Variants in SCN9A observed in about 807,000 individuals in gnomAD.
SCN9A encodes the protein sodium voltage-gated channel alpha subunit 9, also known as sodium channel protein type 9 subunit alpha.
A neutral mutation model predicts 187.0 loss-of-function variants in SCN9A; 131 were observed. That is an observed-to-expected ratio of 0.70 (90% CI 0.61 to 0.81). The LOEUF is 0.81. Ranked by LOEUF, SCN9A falls within the 30% of genes least tolerant of loss-of-function variation. SCN9A has a pLI of 0.00. For synonymous variants in SCN9A, 809 were observed against 808.6 expected (o/e 1.00, Z -0.01); for missense variants, 2,252 against 2,396.6 (o/e 0.94, Z 1.26).
intron 10 of SCN9A, 47 bp from the exon 11 acceptor site, chr2:166,286,670 C>G: frequency 7.0e-7 from 1 of 1,418,908 alleles, no homozygotes; most frequent in Middle Eastern, 1.9e-4. Context: ...TTTCCAAATC[C>G]TAGGAAACCC....
chr2:166,268,059 G>A (rs1448510775), intron 17 of SCN9A, among the ~76,000 whole-genome samples: 1 of 151,916 alleles, frequency 6.6e-6, no homozygotes, highest in East Asian at 1.9e-4. Flanking sequence ...GTAACCAATA[G>A]CTACTTACAG....
At chr2:166,293,984 T>C (rs1382307669) in intron 8 of SCN9A, among the ~76,000 whole-genome samples, 2 of 152,186 alleles carry the variant, frequency 1.3e-5, no homozygotes, top group African/African-American at 2.4e-5. Context: ...TTTATTCCTA[T>C]GTTGCCAGTG....
chr2:166,223,176 A>G (rs1043809821), intron 24 of SCN9A, among the ~76,000 whole-genome samples: 15 of 152,162 alleles, frequency 9.9e-5, no homozygotes, highest in Non-Finnish European at 2.1e-4. Context: ...AATTAAAAAT[A>G]TAACTACCAT....
chr2:166,213,094 A>T lies in SCN9A; in HGVS notation c.4399-8630T>A, dbSNP rs559342406. 7.2e-5 allele frequency among the ~76,000 whole-genome samples: 11 copies of T among 152,234 alleles called. No individual in the cohort carries two copies. In the East Asian group the frequency reaches 2.1e-3, roughly 29 times the overall value. On this transcript the variant is annotated intron_variant, in intron 24 of 26. Coordinates refer to ENST00000642356, the MANE Select transcript of SCN9A (RefSeq NM_001365536.1). ...CTAGGAACTAGAAAAAGAACAAACT[A>T]AGCCCAACATCAGCAAAAGGAAGGA... is the stretch of plus-strand genomic sequence containing the variant.
Position 166,305,881 on chromosome 2 carries a change from T to C in SCN9A, c.507A>G (p.Val169=), listed in dbSNP as rs778674007. The C allele has an allele frequency of 1.2e-6, 2 of 1,613,242 alleles. No homozygotes were observed. The highest frequency in any genetic ancestry group is 1.7e-5 in the Admixed American group (1 of 59,914). The change falls in exon 5 of 27, where the codon GTA becomes GTG. Residue 169 remains valine (V), a synonymous_variant. Transcript: ENST00000642356. Reference sequence around the variant, plus strand: ...CACAGAAGCCTCTTGCAAGGATTTTTACAAGTGATTCAAAAGTATATATTC... The same window carrying C: ...CACAGAAGCCTCTTGCAAGGATTTTCACAAGTGATTCAAAAGTATATATTC... The part of the protein sequence containing the change: ...FTGIYTFESL[V]KILARGFCVG...
intron 8 of SCN9A, 39 bp downstream of exon 8, chr2:166,294,560 T>C: frequency 6.8e-7 from 1 of 1,469,854 alleles, no homozygotes; most frequent in Non-Finnish European, 9.5e-7. Flanking sequence ...TTCCTTCTCT[T>C]TCAGCCTTTA....
chr2:166,215,033 T>G (rs901999702), intron 24 of SCN9A, among the ~76,000 whole-genome samples: 8 of 152,198 alleles, frequency 5.3e-5, no homozygotes, highest in East Asian at 1.9e-4. Context: ...CTCTCCAGGA[T>G]AGATCACATG....
chr2:166,373,456 TA>T (rs755204073), intron 1 of SCN9A, among the ~76,000 whole-genome samples: 3 of 152,076 alleles, frequency 2.0e-5, no homozygotes, highest in Non-Finnish European at 4.4e-5. Context: ...GGATTCCAAG[TA>T]AATTATGATG....
At chr2:166,309,777 G>T (rs996453782) in intron 2 of SCN9A, among the ~76,000 whole-genome samples, 2 of 146,262 alleles carry the variant, frequency 1.4e-5, no homozygotes, top group East Asian at 4.0e-4. Context: ...AACCAAAAAA[G>T]AGCCCGCATC....
At chr2:166,242,953 GTGAA>G (rs556046119) in intron 18 of SCN9A, among the ~76,000 whole-genome samples, 1 of 151,974 alleles carries the variant, frequency 6.6e-6, no homozygotes, top group African/African-American at 2.4e-5. Flanking sequence ...CATTTTATGT[GTGAA>G]TGAATGAATG....
chr2:166,308,267 T>C (rs1447201824), intron 2 of SCN9A, among the ~76,000 whole-genome samples: 1 of 152,202 alleles, frequency 6.6e-6, no homozygotes, highest in East Asian at 1.9e-4. Flanking sequence ...CTTTCTGCAA[T>C]TGTATTGACA....
chr2:166,326,611 G>C (rs550923680), intron 1 of SCN9A, among the ~76,000 whole-genome samples: 2 of 152,282 alleles, frequency 1.3e-5, no homozygotes, highest in South Asian at 4.1e-4. Flanking sequence ...GGCAAGCTTA[G>C]ATATATGATG....
chr2:166,365,856 C>T (rs1700402101), intron 1 of SCN9A, among the ~76,000 whole-genome samples: 1 of 152,044 alleles, frequency 6.6e-6, no homozygotes, highest in African/African-American at 2.4e-5. Flanking sequence ...CTCTTAAAAT[C>T]GGCGTCACAT....
Position 166,198,938 on chromosome 2 carries a change from T to C in SCN9A, c.5701A>G (p.Arg1901Gly). 6.2e-7 allele frequency: 1 copy of C among 1,614,020 alleles called. No individual in the cohort carries two copies. The highest frequency in any genetic ancestry group is 1.7e-4 in the Middle Eastern group (1 of 6,048). Residue 1901 changes from arginine (R) to glycine (G), a missense_variant, in exon 27 of 27, where the codon AGA becomes GGA. Physicochemically the swap from Arg to Gly is moderately radical, Grantham distance 125. Transcript: ENST00000642356. Reference sequence around the variant, plus strand: ...ACATTTTGCCTTAAGCGGTAACGTCTATAAGCACGCTGAATGACAGTAGCA... The same window carrying C: ...ACATTTTGCCTTAAGCGGTAACGTCCATAAGCACGCTGAATGACAGTAGCA... Reference protein sequence around the residue: ...VSATVIQRAYRRYRLRQNVKN... With the variant: ...VSATVIQRAYGRYRLRQNVKN...
intron 1 of SCN9A, among the ~76,000 whole-genome samples, chr2:166,351,175 T>C (rs958805672): frequency 2.6e-5 from 4 of 152,086 alleles, no homozygotes; most frequent in African/African-American, 9.7e-5. Context: ...TCTTGAAGCA[T>C]GAAAAGCCTA....
At chr2:166,232,966 T>G (rs1024266479) in intron 21 of SCN9A, among the ~76,000 whole-genome samples, 4 of 147,534 alleles carry the variant, frequency 2.7e-5, no homozygotes, top group Non-Finnish European at 6.0e-5. Flanking sequence ...ACTATTTAAT[T>G]AATGCTATAA....
intron 1 of SCN9A, among the ~76,000 whole-genome samples, chr2:166,343,251 A>T (rs1699826675): frequency 1.3e-5 from 2 of 152,138 alleles, no homozygotes. Context: ...TTCAAAAAGA[A>T]AACAGAAGTA....
intron 1 of SCN9A, among the ~76,000 whole-genome samples, chr2:166,320,125 A>C (rs1168483624): frequency 6.6e-6 from 1 of 152,154 alleles, no homozygotes; most frequent in Non-Finnish European, 1.5e-5. Context: ...ATTTAGAGAT[A>C]AAAAGGAAAA....
intron 10 of SCN9A, among the ~76,000 whole-genome samples, chr2:166,288,095 A>T (rs1040560193): frequency 2.5e-4 from 7 of 27,946 alleles, no homozygotes; most frequent in East Asian, 2.9e-3. Flanking sequence ...CCATGTGTTT[A>T]TATATATATA....
Sources: allele counts gnomAD v4.1 joint callset (sites outside exome capture counted in the v4.1 genomes callset), GRCh38; gene constraint gnomAD v4.1.1; transcripts MANE v1.5; gene names NCBI Gene and HGNC (gene_info 2026-07-23, HGNC 2026-07-21).